RMDN2: variants seen among roughly 807,000 people sequenced by gnomAD.
The protein encoded by RMDN2 is regulator of microtubule dynamics protein 2.
A neutral mutation model predicts 52.8 loss-of-function variants in RMDN2; 61 were observed. That is an observed-to-expected ratio of 1.16 (90% CI 0.94 to 1.43). RMDN2 has a LOEUF of 1.43. Ranked by LOEUF, RMDN2 falls within the 40% of genes most tolerant of loss-of-function variation. The pLI, the probability that RMDN2 is intolerant of heterozygous loss-of-function variation, is 0.00. For missense variants in RMDN2, 592 were observed against 475.3 expected (o/e 1.25, Z -2.28); for synonymous variants, 180 against 153.1 (o/e 1.18, Z -1.30).
chr2:37,980,672 T>C (rs899597940), intron 4 of RMDN2, among the ~76,000 whole-genome samples: 1 of 152,198 alleles, frequency 6.6e-6, no homozygotes, highest in African/African-American at 2.4e-5. Context: ...GAATTATTTA[T>C]GTCACTGGCC....
chr2:38,015,966 C>G (rs1275073586), intron 10 of RMDN2, among the ~76,000 whole-genome samples: 1 of 152,172 alleles, frequency 6.6e-6, no homozygotes, highest in Admixed American at 6.5e-5. Flanking sequence ...AACCTGAGCT[C>G]CAAACCATAA....
At chr2:37,947,541 G>C (rs1245993477) in intron 2 of RMDN2, among the ~76,000 whole-genome samples, 1 of 152,152 alleles carries the variant, frequency 6.6e-6, no homozygotes, top group Non-Finnish European at 1.5e-5. Context: ...TATGTGGAGA[G>C]TTTAATGTTG....
At chr2:37,978,859 G>A (rs923400357) in intron 4 of RMDN2, among the ~76,000 whole-genome samples, 1 of 152,210 alleles carries the variant, frequency 6.6e-6, no homozygotes, top group Non-Finnish European at 1.5e-5. Context: ...AGGAGAATAT[G>A]ATGGCAGAGG....
At chr2:38,016,983 AAAAAG>A (rs1308073901) in intron 10 of RMDN2, among the ~76,000 whole-genome samples, 198 bp from the exon 11 acceptor site, 1 of 152,134 alleles carries the variant, frequency 6.6e-6, no homozygotes, top group East Asian at 1.9e-4. Flanking sequence ...TACAATGAAA[AAAAAG>A]AAAATTATTA....
chr2:37,999,411 G>A (rs1343299736), intron 8 of RMDN2, among the ~76,000 whole-genome samples: 1 of 152,042 alleles, frequency 6.6e-6, no homozygotes, highest in African/African-American at 2.4e-5. Flanking sequence ...AAAAACTCAC[G>A]GAATTTTAAT....
chr2:38,013,004 T>C (rs962360235), intron 10 of RMDN2, among the ~76,000 whole-genome samples: 2 of 152,394 alleles, frequency 1.3e-5, no homozygotes, highest in Admixed American at 6.5e-5. Flanking sequence ...GTCAGTCGTT[T>C]GGTCTCTAGA....
rs781674953 is a variant in RMDN2, at chr2:37,975,249, G to C, written c.665G>C (p.Arg222Pro). The change falls in exon 4 of 11, where the codon CGT becomes CCT. Residue 222 changes from arginine to proline, a missense_variant. Coordinates refer to ENST00000354545, the MANE Select transcript of RMDN2 (RefSeq NM_001170791.3). ...DEIEFMWRFA[R>P]AYGDMYELST... is the part of the protein sequence containing the mutation. Reference sequence around the variant, plus strand: ...ATAGAGTTTATGTGGCGATTTGCTCGTGCTTATGGAGACATGTATGAACTA... The same window carrying C: ...ATAGAGTTTATGTGGCGATTTGCTCCTGCTTATGGAGACATGTATGAACTA... 1 of 1,611,002 alleles carries C rather than the reference G, an allele frequency of 6.2e-7. No individual in the cohort carries two copies. The highest frequency in any genetic ancestry group is 8.5e-7 in the Non-Finnish European group (1 of 1,177,404).
At chr2:38,029,908 A>T (rs1443186256) in intron 10 of RMDN2, 1 of 152,166 alleles carries the variant, frequency 6.6e-6, no homozygotes, top group Non-Finnish European at 1.5e-5. Context: ...GGAAGGCAAA[A>T]GGCACGTCTT....
rs144954125 is a variant in RMDN2, at chr2:37,962,780, T to C, written c.453-11260T>C. Among the ~76,000 whole-genome samples, 908 of 152,064 alleles carry C rather than the reference T, an allele frequency of 6.0e-3. 11 individuals are homozygous for C. The highest frequency in any genetic ancestry group is 0.02 in the African/African-American group (850 of 41,472). ...AAACTTCTGCAGCTACCTCAGTGTC[T>C]GCTCAAACGGCTGCCCAGTTTTGTG... On this transcript the variant is annotated intron_variant, in intron 2 of 10. Transcript: ENST00000354545.
intron 8 of RMDN2, 34 bp from the exon 9 acceptor site, chr2:38,003,957 C>G (rs1676705401): frequency 4.0e-6 from 6 of 1,489,716 alleles, no homozygotes; most frequent in South Asian, 3.4e-5. Context: ...TTAATATTGC[C>G]CTGTTATTCT....
intron 2 of RMDN2, among the ~76,000 whole-genome samples, chr2:37,937,335 C>G (rs188639955): frequency 7.8e-4 from 119 of 152,260 alleles, no homozygotes; most frequent in African/African-American, 2.6e-3. Context: ...AGCATGATGC[C>G]TTCAGCTTGG....
At position 38,026,203 on chromosome 2, in the gene RMDN2, T is replaced by C. The variant is rs574951612; in HGVS notation, c.1713+21987T>C. Among the ~76,000 whole-genome samples the C allele has an allele frequency of 2.6e-5, 4 of 152,270 alleles. No individual in the cohort carries two copies. The East Asian group carries it at 7.7e-4, about 29-fold the overall frequency. On this transcript the variant is annotated intron_variant, in intron 10 of 10. Transcript: ENST00000234195. ...GGTAGTTTGTATCTTTCAAAGAATT[T>C]ATCTATTTTTCTATTTCATTTAAGT...
intron 10 of RMDN2, among the ~76,000 whole-genome samples, chr2:38,053,756 AGCATTTACTG>A (rs1481206965): frequency 5.3e-5 from 8 of 152,198 alleles, no homozygotes; most frequent in Non-Finnish European, 1.2e-4. Flanking sequence ...GCTGCATATT[AGCATTTACTG>A]GGGCACTCTG....
intron 10 of RMDN2, among the ~76,000 whole-genome samples, chr2:38,006,098 G>A (rs529677113): frequency 6.6e-6 from 1 of 152,088 alleles, no homozygotes; most frequent in Non-Finnish European, 1.5e-5. Flanking sequence ...CTGTTTTGGT[G>A]ACTGTAGCCT....
At chr2:38,060,061 CTATTTTATTTTATTT>C (rs72343040) in intron 10 of RMDN2, among the ~76,000 whole-genome samples, 25,586 of 128,530 alleles carry the variant, frequency 0.2, 2,798 homozygotes, top group African/African-American at 0.22. Flanking sequence ...CGACGCCCAG[CTATTTTATTTTATTT>C]TATTTTATTT....
chr2:38,008,894 G>T (rs1677520285), intron 10 of RMDN2, among the ~76,000 whole-genome samples: 2 of 152,144 alleles, frequency 1.3e-5, no homozygotes, highest in South Asian at 4.1e-4. Flanking sequence ...TTTTAGGGCA[G>T]GTCTGGTGGT....
In RMDN2 at chr2:37,950,603, T is replaced by C. The variant is rs752799373; in HGVS notation, c.452+20874T>C. The C allele has an allele frequency of 3.1e-6, 5 of 1,612,916 alleles. No individual in the cohort carries two copies. In the Admixed American group the frequency reaches 8.3e-5, roughly 27 times the overall value. On this transcript the variant is annotated intron_variant, in intron 2 of 10. Coordinates refer to ENST00000354545, the MANE Select transcript of RMDN2 (RefSeq NM_001170791.3). ...AATGGGAAAGTGCTTAAGGTAAGCC[T>C]TAGAAAAAAACTTCAACATGTGCTA...
intron 2 of RMDN2, among the ~76,000 whole-genome samples, chr2:37,941,968 G>C (rs1409327412): frequency 6.6e-6 from 1 of 150,796 alleles, no homozygotes; most frequent in Non-Finnish European, 1.5e-5. Context: ...AATTCCTGCA[G>C]CTAGCTCGGT....
In RMDN2 at chr2:38,065,867, C is replaced by A. The variant is rs553108037; in HGVS notation, c.1714-1115C>A. ...TAAAGAACAGTTTAAAGGGGCTTTT[C>A]TCAGAAGAGAGCAGTGTGGTGAGGA... is the stretch of plus-strand genomic sequence containing the variant. On this transcript the variant is annotated intron_variant, in intron 10 of 10. Transcript: ENST00000234195. Among the ~76,000 whole-genome samples, 7 of 152,290 alleles carry A rather than the reference C, an allele frequency of 4.6e-5. No individual in the cohort carries two copies. The East Asian group carries it at 1.3e-3, about 29-fold the overall frequency.
Sources: allele counts gnomAD v4.1 joint callset (sites outside exome capture counted in the v4.1 genomes callset), GRCh38; gene constraint gnomAD v4.1.1; transcripts MANE v1.5; gene names NCBI Gene and HGNC (gene_info 2026-07-23, HGNC 2026-07-21).